The following MARCHF1 variants were observed in gnomAD, a reference collection of about 807,000 sequenced individuals.
MARCHF1 encodes the protein membrane associated ring-CH-type finger 1, also known as E3 ubiquitin-protein ligase MARCHF1.
Under a neutral mutation model 54.2 loss-of-function variants are expected in MARCHF1, and 40 were observed. The observed-to-expected ratio is 0.74, with a 90% confidence interval of 0.57 to 0.96. MARCHF1 has a LOEUF of 0.96. Ranked by LOEUF, MARCHF1 falls within the 40% of genes least tolerant of loss-of-function variation. The pLI, the probability that MARCHF1 is intolerant of heterozygous loss-of-function variation, is 0.00. For missense variants in MARCHF1, 586 were observed against 656.5 expected (o/e 0.89, Z 1.17); for synonymous variants, 236 against 236.3 (o/e 1.00, Z 0.01).
At chr4:163,652,507 G>C (rs1201827612) in intron 5 of MARCHF1, among the ~76,000 whole-genome samples, 1 of 151,622 alleles carries the variant, frequency 6.6e-6, no homozygotes, top group Non-Finnish European at 1.5e-5. Flanking sequence ...TCCAGCTCTC[G>C]GCAGAGTAGC....
rs1030656335 is a variant in MARCHF1 at position 164,244,933 on chromosome 4, C to T, written c.-322-133271G>A. ...GAAGAAGTTGAATCTCTGAATAGAC[C>T]AATAACAGGAGCTGAAATTGTGGCA... On this transcript the variant is annotated intron_variant, in intron 1 of 9. Transcript: ENST00000514618. 7.6e-4 allele frequency among the ~76,000 whole-genome samples: 115 copies of T among 152,064 alleles called. 1 individual carries two copies. The highest frequency in any genetic ancestry group is 1.3e-3 in the Non-Finnish European group (85 of 67,984).
At chr4:163,890,270 C>A (rs1056340695) in intron 3 of MARCHF1, among the ~76,000 whole-genome samples, 3 of 152,076 alleles carry the variant, frequency 2.0e-5, no homozygotes, top group African/African-American at 7.2e-5. Flanking sequence ...AATGTATGTT[C>A]TAATTTCTGA....
chr4:163,538,886 A>G (rs947312411), intron 9 of MARCHF1, among the ~76,000 whole-genome samples: 3 of 152,142 alleles, frequency 2.0e-5, no homozygotes, highest in Non-Finnish European at 2.9e-5. Context: ...CCCATCACCT[A>G]TTGACACTGG....
At position 163,838,283 on chromosome 4, in the gene MARCHF1, A is replaced by G. The variant is rs757412820; in HGVS notation, c.111+15738T>C. ...ATGCACATCCTCCCATGCACTTTAA[A>G]TCATCTCTAGATTAATTATAGTTCC... is the stretch of plus-strand genomic sequence containing the variant. On this transcript the variant is annotated intron_variant, in intron 4 of 9. Transcript: ENST00000514618. Among the ~76,000 whole-genome samples, 154 of 152,114 alleles carry G rather than the reference A, an allele frequency of 1.0e-3. 1 individual carries two copies. The highest frequency in any genetic ancestry group is 1.9e-3 in the Non-Finnish European group (127 of 67,958).
chr4:163,740,817 T>C (rs983674140), intron 4 of MARCHF1, among the ~76,000 whole-genome samples: 1 of 152,204 alleles, frequency 6.6e-6, no homozygotes, highest in African/African-American at 2.4e-5. Flanking sequence ...AATAGTAGAA[T>C]GAAGAAACTC....
intron 3 of MARCHF1, among the ~76,000 whole-genome samples, chr4:163,982,193 T>C (rs1027247616): frequency 2.6e-5 from 4 of 152,240 alleles, no homozygotes; most frequent in African/African-American, 4.8e-5. Context: ...GAATTCACTC[T>C]AAGCACATGG....
At chr4:163,963,751 T>C (rs1285139912) in intron 3 of MARCHF1, among the ~76,000 whole-genome samples, 1 of 151,938 alleles carries the variant, frequency 6.6e-6, no homozygotes, top group East Asian at 1.9e-4. Context: ...TATCATGCAA[T>C]GAAGCACCTA....
intron 1 of MARCHF1, among the ~76,000 whole-genome samples, chr4:164,286,985 C>CTGAGTA (rs1734166711): frequency 6.7e-6 from 1 of 149,718 alleles, no homozygotes; most frequent in African/African-American, 2.4e-5. Flanking sequence ...AGGTTGAGGT[C>CTGAGTA]TGAGTATTCC....
intron 2 of MARCHF1, among the ~76,000 whole-genome samples, chr4:164,076,136 T>TAACAACAAC (rs57287504): frequency 0.075 from 11,249 of 150,434 alleles, 491 homozygotes; most frequent in East Asian, 0.15. Flanking sequence ...AATAATTTTC[T>TAACAACAAC]AACAACAACA....
intron 1 of MARCHF1, among the ~76,000 whole-genome samples, chr4:164,178,909 C>T (rs2111006150): frequency 6.6e-6 from 1 of 152,144 alleles, no homozygotes. Flanking sequence ...GTTGACAAAC[C>T]TTGCATCATA....
intron 1 of MARCHF1, among the ~76,000 whole-genome samples, chr4:164,185,769 T>C (rs910317336): frequency 6.6e-6 from 1 of 150,964 alleles, no homozygotes; most frequent in Admixed American, 6.6e-5. Flanking sequence ...TTCTAAATTG[T>C]AGAAGATATT....
chr4:163,698,337 G>T (rs1744698013), intron 5 of MARCHF1, among the ~76,000 whole-genome samples: 1 of 152,270 alleles, frequency 6.6e-6, no homozygotes, highest in South Asian at 2.1e-4. Context: ...TGTAGTCAAT[G>T]AATAGTTTTC....
At chr4:164,199,382 CTG>C (rs1197986990) in intron 1 of MARCHF1, among the ~76,000 whole-genome samples, 3 of 152,168 alleles carry the variant, frequency 2.0e-5, no homozygotes, top group Non-Finnish European at 4.4e-5. Context: ...TGGCTCACGC[CTG>C]TAATCCCAGC....
chr4:164,189,463 G>T, intron 1 of MARCHF1: 1 of 708,162 alleles, frequency 1.4e-6, no homozygotes, highest in Non-Finnish European at 2.6e-6. Flanking sequence ...TGTTCTTGGT[G>T]GCTCTACTCG....
At chr4:164,236,765 G>GA (rs1407613880) in intron 1 of MARCHF1, among the ~76,000 whole-genome samples, 1 of 152,108 alleles carries the variant, frequency 6.6e-6, no homozygotes, top group Non-Finnish European at 1.5e-5. Context: ...AATGAAGACT[G>GA]ATTATTTATA....
At chr4:163,826,244 T>G (rs1748843793) in intron 4 of MARCHF1, among the ~76,000 whole-genome samples, 1 of 152,112 alleles carries the variant, frequency 6.6e-6, no homozygotes, top group Non-Finnish European at 1.5e-5. Flanking sequence ...TAATTTTTAG[T>G]GCAATCTGAC....
At chr4:163,866,754 C>G (rs1006022795) in intron 3 of MARCHF1, among the ~76,000 whole-genome samples, 4 of 151,436 alleles carry the variant, frequency 2.6e-5, no homozygotes, top group Non-Finnish European at 5.9e-5. Context: ...TTCACTTAGA[C>G]CAATTCATAG....
intron 3 of MARCHF1, among the ~76,000 whole-genome samples, chr4:163,925,741 C>T (rs1306858609): frequency 6.6e-6 from 1 of 151,690 alleles, no homozygotes; most frequent in African/African-American, 2.4e-5. Flanking sequence ...AACCCAATCT[C>T]TTTAGAGAAA....
At chr4:163,710,432 G>A (rs1187423774) in intron 4 of MARCHF1, among the ~76,000 whole-genome samples, 5 of 151,948 alleles carry the variant, frequency 3.3e-5, no homozygotes, top group South Asian at 2.1e-4. Context: ...ATTTATAATT[G>A]GGCAGTCCAA....
Sources: gnomAD v4.1 joint callset for allele counts (sites outside exome capture counted in the v4.1 genomes callset) on GRCh38, gnomAD v4.1.1 for gene constraint, MANE v1.5 for transcripts, NCBI Gene and HGNC (gene_info 2026-07-23, HGNC 2026-07-21) for gene names.